Variants in LRRC17 observed in about 807,000 individuals in gnomAD.
LRRC17 encodes the protein leucine rich repeat containing 17.
LRRC17 carries 33 observed loss-of-function variants against 41.5 expected under a neutral mutation model. The ratio of observed to expected loss-of-function variants is 0.80; its 90% CI spans 0.60 to 1.06. The LOEUF (loss-of-function observed/expected upper bound fraction) is 1.06, where lower values mean the gene tolerates loss of function less well. Ranked by LOEUF, LRRC17 falls within the 50% of genes least tolerant of loss-of-function variation. The pLI, the probability that LRRC17 is intolerant of heterozygous loss-of-function variation, is 0.00. For missense variants in LRRC17, 491 were observed against 519.3 expected, an observed-to-expected ratio of 0.95 and a Z score of 0.53; for synonymous variants, 192 against 197.0, an observed-to-expected ratio of 0.97 and a Z score of 0.21.
chr7:102,917,738 C>T (rs574489625), intron 1 of LRRC17, among the ~76,000 whole-genome samples: 2 of 152,288 alleles, frequency 1.3e-5, no homozygotes, highest in East Asian at 3.9e-4. Context: ...TCCAGGATGA[C>T]ACTTCTTGTA....
In LRRC17 at chr7:102,944,854, T is replaced by C. The variant is rs1005798205; in HGVS notation, c.*247T>C. 6 of 399,590 alleles carry C rather than the reference T, an allele frequency of 1.5e-5. No individual in the cohort carries two copies. The highest frequency in any genetic ancestry group is 2.2e-5 in the Non-Finnish European group (5 of 227,456). The allele number at this position is 399,590 out of a possible 1,614,324, so 24.8% of individuals were successfully genotyped here. On this transcript the variant is annotated 3_prime_UTR_variant, in exon 4 of 4. Transcript: ENST00000339431. ...ATTCCACACTGGTAACCTGCAGCAG[T>C]TGGGTCCTAATGATGGCATTAGACT...
At chr7:102,944,150 A>G in intron 3 of LRRC17, 60 bp from the exon 4 acceptor site, 1 of 1,300,192 alleles carries the variant, frequency 7.7e-7, no homozygotes, top group South Asian at 1.7e-5. Flanking sequence ...TGTCCTTTCC[A>G]TATGCCATAC....
intron 2 of LRRC17, among the ~76,000 whole-genome samples, chr7:102,935,255 T>C (rs1297881451): frequency 2.3e-5 from 3 of 131,788 alleles, no homozygotes; most frequent in South Asian, 2.8e-4. Flanking sequence ...TTTTTTTTTT[T>C]TTTTTTTTTT....
intron 1 of LRRC17, among the ~76,000 whole-genome samples, chr7:102,924,277 G>C (rs1489569427): frequency 6.6e-6 from 1 of 151,490 alleles, no homozygotes; most frequent in African/African-American, 2.4e-5. Flanking sequence ...GCTTAGCTTA[G>C]GTACTGCAAA....
In LRRC17 at chr7:102,944,317, T is replaced by C. The variant is rs1822049408; in HGVS notation, c.1036T>C (p.Trp346Arg). Residue 346 changes from tryptophan (W) to arginine (R), a missense_variant, in exon 4 of 4, where the codon TGG becomes CGG. Trp to Arg is a moderately radical substitution (Grantham distance 101). Transcript: ENST00000339431. The stretch of plus-strand genomic sequence containing the variant: ...AGACTTGTATTTTTTGAAACTCTTG[T>C]GGCTCAGAGATAACCCTTGGAGATG... The part of the protein sequence containing the change: ...LEDLYFLKLL[W>R]LRDNPWRCDY... 1 of 1,614,012 alleles carries C rather than the reference T, an allele frequency of 6.2e-7. No individual in the cohort carries two copies. Among genetic ancestry groups the C allele is most frequent in the African/African-American group, 1.3e-5 (1 of 74,946 alleles).
chr7:102,924,801 C>T (rs1046381587), intron 1 of LRRC17, among the ~76,000 whole-genome samples: 4 of 151,850 alleles, frequency 2.6e-5, no homozygotes, highest in Non-Finnish European at 2.9e-5. Flanking sequence ...CCACCGCACC[C>T]GGCTAATTTT....
intron 1 of LRRC17, among the ~76,000 whole-genome samples, chr7:102,915,564 C>T (rs847649): frequency 0.48 from 72,632 of 151,910 alleles, 19,977 homozygotes; most frequent in African/African-American, 0.77. Flanking sequence ...AAAATGAGAA[C>T]TGAGCTAGGA....
intron 1 of LRRC17, among the ~76,000 whole-genome samples, chr7:102,924,068 CT>C (rs1817594738): frequency 1.3e-5 from 2 of 151,672 alleles, no homozygotes; most frequent in Non-Finnish European, 2.9e-5. Flanking sequence ...AGAGAAACCC[CT>C]CTCTACTAAA....
At chr7:102,931,582 A>C (rs1819182295) in intron 1 of LRRC17, among the ~76,000 whole-genome samples, 1 of 152,170 alleles carries the variant, frequency 6.6e-6, no homozygotes, top group African/African-American at 2.4e-5. Flanking sequence ...TATCATGTCT[A>C]CTGGGGCCCA....
chr7:102,914,199 A>G (rs1815357936), intron 1 of LRRC17, among the ~76,000 whole-genome samples: 1 of 152,104 alleles, frequency 6.6e-6, no homozygotes, highest in South Asian at 2.1e-4. Context: ...CAGCCTCCCA[A>G]GTGGCTGGGA....
intron 2 of LRRC17, 104 bp from the exon 3 acceptor site, chr7:102,939,326 C>CCCTT: frequency 1.1e-6 from 1 of 942,170 alleles, no homozygotes; most frequent in Non-Finnish European, 1.6e-6. Context: ...ATCCCTTTAC[C>CCCTT]CCTTCTCTTT....
chr7:102,931,751 G>A (rs1819217815), intron 1 of LRRC17: 2 of 755,064 alleles, frequency 2.6e-6, no homozygotes, highest in East Asian at 5.5e-5. Flanking sequence ...TCTTGTCAAT[G>A]TTTAACATAG....
chr7:102,939,964 G>A (rs188259219), intron 3 of LRRC17, among the ~76,000 whole-genome samples: 9 of 151,504 alleles, frequency 5.9e-5, no homozygotes, highest in African/African-American at 1.9e-4. Flanking sequence ...GTGTGATCTC[G>A]GCTCACTGCA....
chr7:102,914,548 A>C (rs1428781853), intron 1 of LRRC17, among the ~76,000 whole-genome samples: 1 of 152,262 alleles, frequency 6.6e-6, no homozygotes, highest in Non-Finnish European at 1.5e-5. Context: ...AGGTGAATAA[A>C]GTTTACCTCC....
chr7:102,934,384 C>A lies in LRRC17; in HGVS notation c.471C>A (p.Tyr157Ter), dbSNP rs774795898. ...TCATTTACACACCTCTCTTGAGCTA[C>A]CTGCGTCTTTATGACAACCCCTGGC... ...EVFIYTPLLS[Y>*]LRLYDNPWHC... The change falls in exon 2 of 4, where the codon TAC (tyrosine) becomes TAA (stop). Residue 157 changes from tyrosine (Y) to a stop codon, truncating the protein, a stop_gained. Coordinates refer to ENST00000339431, the MANE Select transcript of LRRC17 (RefSeq NM_001031692.3). LOFTEE classifies it high-confidence loss of function. The A allele has an allele frequency of 6.2e-7, 1 of 1,614,182 alleles. No homozygotes were observed. The highest frequency in any genetic ancestry group is 1.1e-5 in the South Asian group (1 of 91,080).
chr7:102,944,954 C>G lies in LRRC17; in HGVS notation c.*347C>G, dbSNP rs957921030. 5.6e-6 allele frequency: 1 copy of G among 178,228 alleles called. No homozygotes were observed. Among genetic ancestry groups the G allele is most frequent in the African/African-American group, 2.4e-5 (1 of 42,494 alleles). The allele number at this position is 178,228 out of a possible 1,614,324, so 11.0% of individuals were successfully genotyped here. ...AAAAAACTTGGTTCATGTTTACATG[C>G]CTTTCGATAGCTGTTTGTGCATACT... On this transcript the variant is annotated 3_prime_UTR_variant, in exon 4 of 4. Transcript: ENST00000339431.
chr7:102,915,676 A>T (rs532181715), intron 1 of LRRC17, among the ~76,000 whole-genome samples: 2 of 152,344 alleles, frequency 1.3e-5, no homozygotes, highest in East Asian at 3.9e-4. Context: ...GCATAAAATA[A>T]AATATATAAG....
At chr7:102,930,851 G>T (rs1317362445) in intron 1 of LRRC17, among the ~76,000 whole-genome samples, 45 of 152,128 alleles carry the variant, frequency 3.0e-4, no homozygotes, top group Non-Finnish European at 5.9e-5. Flanking sequence ...AGTCAATGTT[G>T]TCCATTGCCT....
chr7:102,916,857 T>C (rs974647207), intron 1 of LRRC17, among the ~76,000 whole-genome samples: 3 of 152,166 alleles, frequency 2.0e-5, no homozygotes, highest in African/African-American at 7.2e-5. Flanking sequence ...CTATAATCTT[T>C]AGAGAAATTA....
Sources: allele counts gnomAD v4.1 joint callset (sites outside exome capture counted in the v4.1 genomes callset), GRCh38; gene constraint gnomAD v4.1.1; transcripts MANE v1.5; gene names NCBI Gene and HGNC (gene_info 2026-07-23, HGNC 2026-07-21).